DCUN1D1: variants seen among roughly 807,000 people sequenced by gnomAD.
DCUN1D1 encodes the protein defective in cullin neddylation 1 domain containing 1, also known as DCN1-like protein 1.
A neutral mutation model predicts 39.0 loss-of-function variants in DCUN1D1; 3 were observed. The ratio of observed to expected loss-of-function variants is 0.08; its 90% CI spans 0.04 to 0.20. The LOEUF is 0.20. DCUN1D1 is among the 10% of genes least tolerant of loss of function. DCUN1D1 has a pLI of 1.00. For missense variants in DCUN1D1, 158 were observed against 302.4 expected, an observed-to-expected ratio of 0.52 and a Z score of 3.54; for synonymous variants, 82 against 96.3, an observed-to-expected ratio of 0.85 and a Z score of 0.87.
upstream of DCUN1D1, among the ~76,000 whole-genome samples, chr3:182,982,798 C>T (rs537852973): frequency 8.5e-5 from 13 of 152,242 alleles, no homozygotes; most frequent in Non-Finnish European, 1.9e-4. Context: ...ATGTGTGCCA[C>T]CATGCCCAGC....
rs373590610 is a variant in DCUN1D1, at chr3:182,949,810, A to C, written c.521-2178T>G. On this transcript the variant is annotated intron_variant, in intron 4 of 6. Coordinates refer to ENST00000292782, the MANE Select transcript of DCUN1D1 (RefSeq NM_020640.4). The stretch of plus-strand genomic sequence containing the variant: ...CTGGAAACCTGCAAGACTGACCCTT[A>C]ACTTTCTTCAATGATGGAGACTACA... 3.1e-4 allele frequency among the ~76,000 whole-genome samples: 47 copies of C among 152,332 alleles called. No individual in the cohort carries two copies. In the Middle Eastern group the frequency reaches 0.017, roughly 55 times the overall value.
upstream of DCUN1D1, among the ~76,000 whole-genome samples, chr3:182,983,685 CAAG>C (rs1196193025): frequency 6.6e-6 from 1 of 151,250 alleles, no homozygotes; most frequent in Non-Finnish European, 1.5e-5. Flanking sequence ...CCAGCCTGGG[CAAG>C]AAGAATGAGA....
At chr3:182,965,265 C>A (rs1014834323) in intron 2 of DCUN1D1, among the ~76,000 whole-genome samples, 10 of 152,156 alleles carry the variant, frequency 6.6e-5, no homozygotes, top group Non-Finnish European at 1.2e-4. Flanking sequence ...ACTGGTTCAG[C>A]TGAGTTTTAT....
intron 6 of DCUN1D1, among the ~76,000 whole-genome samples, chr3:182,945,969 C>T (rs1381584014): frequency 6.6e-6 from 1 of 151,532 alleles, no homozygotes; most frequent in Non-Finnish European, 1.5e-5. Flanking sequence ...TAACATCATC[C>T]CTGATTAGCC....
chr3:182,959,794 A>T (rs1426971497), intron 4 of DCUN1D1, among the ~76,000 whole-genome samples: 1 of 152,180 alleles, frequency 6.6e-6, no homozygotes, highest in East Asian at 1.9e-4. Context: ...CTGGAAGATG[A>T]GGCCTGGTGG....
upstream of DCUN1D1, chr3:182,980,736 G>A (rs1346019860): frequency 2.7e-4 from 54 of 197,834 alleles, no homozygotes; most frequent in Admixed American, 2.1e-3. Context: ...GGGGCGGGGG[G>A]CGCGGCGGGG....
Position 182,961,230 on chromosome 3 carries a change from T to C in DCUN1D1, c.516A>G (p.Gly172=), listed in dbSNP as rs751573642. ...ATAATTTTTAAAAATTCTTACCTAA[T>C]CCTTTTTGTCCTGGATTCTTTGCAA... ...FNFAKNPGQK[G]LDLEMAIAYW... is the part of the protein sequence containing the mutation. Residue 172 remains glycine, a synonymous_variant, in exon 4 of 7, where the codon GGA becomes GGG. Transcript: ENST00000292782. The C allele has an allele frequency of 4.2e-5, 64 of 1,517,768 alleles. No individual in the cohort carries two copies. The highest frequency in any genetic ancestry group is 5.4e-5 in the Non-Finnish European group (60 of 1,113,126). The allele number at this position is 1,517,768 out of a possible 1,614,324, so 94.0% of individuals were successfully genotyped here.
Position 182,965,569 on chromosome 3 carries a change from T to C in DCUN1D1, c.188A>G (p.Lys63Arg). 1.2e-6 allele frequency: 2 copies of C among 1,613,708 alleles called. No homozygotes were observed. The highest frequency in any genetic ancestry group is 1.7e-6 in the Non-Finnish European group (2 of 1,179,714). ...TCTATTGTACAGCTGTTCTAACTTC[T>C]TCCTGTCCAATGATCCTTTTACACT... ...RESVKGSLDR[K>R]KLEQLYNRYK... Residue 63 changes from lysine (K) to arginine (R), a missense_variant, in exon 2 of 7, where the codon AAG (lysine) becomes AGG (arginine). Physicochemically the swap from Lys to Arg is conservative, Grantham distance 26 (BLOSUM62 2). Transcript: ENST00000292782.
chr3:182,948,917 G>C (rs1299941858), intron 4 of DCUN1D1, among the ~76,000 whole-genome samples: 1 of 151,440 alleles, frequency 6.6e-6, no homozygotes, highest in Non-Finnish European at 1.5e-5. Flanking sequence ...GCATAGTGGC[G>C]GGCACCTGTA....
In DCUN1D1 at chr3:182,965,757, T is replaced by C; in HGVS notation, c.4-4A>G. The C allele has an allele frequency of 1.2e-6, 2 of 1,600,042 alleles. No homozygotes were observed. Among genetic ancestry groups the C allele is most frequent in the Non-Finnish European group, 8.5e-7 (1 of 1,169,990 alleles). On this transcript the variant is annotated splice_polypyrimidine_tract_variant and splice_region_variant and intron_variant, in intron 1 of 6. Coordinates refer to ENST00000292782, the MANE Select transcript of DCUN1D1 (RefSeq NM_020640.4). ...TCTGCGATGATTTCAACTTGTTCTA[T>C]TGAAACCAGAAAATAAACTGAAACT...
In DCUN1D1 at chr3:182,944,546, T is replaced by G. The variant is rs1422390167; in HGVS notation, c.*548A>C. On this transcript the variant is annotated 3_prime_UTR_variant, in exon 7 of 7. Coordinates refer to ENST00000292782, the MANE Select transcript of DCUN1D1 (RefSeq NM_020640.4). ...ATCAGATACTCACATCAACAACACA[T>G]GTGATTTGCCAGGAAAAAAAAAAAA... is the stretch of plus-strand genomic sequence containing the variant. 6.6e-6 allele frequency: 1 copy of G among 152,046 alleles called. No homozygotes were observed. The highest frequency in any genetic ancestry group is 1.5e-5 in the Non-Finnish European group (1 of 67,930). The allele number at this position is 152,046 out of a possible 1,614,324, so 9.4% of individuals were successfully genotyped here. A position where few individuals can be genotyped will look rare whatever the true frequency, so the allele number is the denominator to read the frequency against.
chr3:182,941,401 CTATAT>C lies in DCUN1D1; in HGVS notation c.*3688_*3692del, dbSNP rs1232752425. On this transcript the variant is annotated 3_prime_UTR_variant, in exon 7 of 7. Transcript: ENST00000292782. Reference sequence around the variant, plus strand: ...TATGAAATAAAAATAGAAATTATTGCTATATTATGATTGTAAAAATGGAGGCAATA... The same window carrying C: ...TATGAAATAAAAATAGAAATTATTGCTATGATTGTAAAAATGGAGGCAATA... The C allele has an allele frequency of 2.0e-5, 3 of 151,910 alleles. No individual in the cohort carries two copies. Among genetic ancestry groups the C allele is most frequent in the Non-Finnish European group, 2.9e-5 (2 of 67,894 alleles). 9.4% of individuals were successfully genotyped at this position (151,910 alleles called of 1,614,324 possible). A position where few individuals can be genotyped will look rare whatever the true frequency, so the allele number is the denominator to read the frequency against.
chr3:182,970,712 T>C (rs548255698), intron 1 of DCUN1D1, among the ~76,000 whole-genome samples: 2 of 152,246 alleles, frequency 1.3e-5, no homozygotes, highest in Non-Finnish European at 2.9e-5. Context: ...CTGTATGTTG[T>C]TATGTAATTA....
Position 182,961,374 on chromosome 3 carries a change from G to A in DCUN1D1, c.390-18C>T. The A allele has an allele frequency of 6.4e-7, 1 of 1,567,278 alleles. No individual in the cohort carries two copies. Among genetic ancestry groups the A allele is most frequent in the African/African-American group, 1.4e-5 (1 of 71,982 alleles). On this transcript the variant is annotated intron_variant, in intron 3 of 6. Coordinates refer to ENST00000292782, the MANE Select transcript of DCUN1D1 (RefSeq NM_020640.4). ...TGTCACATCTGCGTCGTAAAATTAAGTTTATAAAAGATTAACTGTTTCACT... is the reference window on the plus strand; with the variant it reads ...TGTCACATCTGCGTCGTAAAATTAAATTTATAAAAGATTAACTGTTTCACT...
At chr3:182,951,916 G>A (rs1024341578) in intron 4 of DCUN1D1, among the ~76,000 whole-genome samples, 10 of 151,914 alleles carry the variant, frequency 6.6e-5, no homozygotes, top group Admixed American at 3.9e-4. Context: ...GTCTGGTCTC[G>A]AACTTCTGAC....
chr3:182,941,632 A>G lies in DCUN1D1; in HGVS notation c.*3462T>C, dbSNP rs1002142732. ...ATGAAAACATCTAAGTATTCAATATAAATCATACTGTTAAAAGTATAAGGT... is the reference window on the plus strand; with the variant it reads ...ATGAAAACATCTAAGTATTCAATATGAATCATACTGTTAAAAGTATAAGGT... On this transcript the variant is annotated 3_prime_UTR_variant, in exon 7 of 7. Coordinates refer to ENST00000292782, the MANE Select transcript of DCUN1D1 (RefSeq NM_020640.4). The G allele has an allele frequency of 1.3e-5, 2 of 152,164 alleles. No homozygotes were observed. Among genetic ancestry groups the G allele is most frequent in the Admixed American group, 1.3e-4 (2 of 15,266 alleles). 9.4% of individuals were successfully genotyped at this position (152,164 alleles called of 1,614,324 possible). A position where few individuals can be genotyped will look rare whatever the true frequency, so the allele number is the denominator to read the frequency against.
rs1560171929 is a variant in DCUN1D1 at position 182,961,280 on chromosome 3, C to A, written c.466G>T (p.Asp156Tyr). Residue 156 changes from aspartate (D) to tyrosine (Y), a missense_variant, in exon 4 of 7, where the codon GAT becomes TAT. Coordinates refer to ENST00000292782, the MANE Select transcript of DCUN1D1 (RefSeq NM_020640.4). ...AAATTAAAAGTAAACTGGTAAAAATCCTTAAATCGTCCTGGTTCTTTCAAT... is the reference window on the plus strand; with the variant it reads ...AAATTAAAAGTAAACTGGTAAAAATACTTAAATCGTCCTGGTTCTTTCAAT... ...QELKEPGRFK[D>Y]FYQFTFNFAK... The A allele has an allele frequency of 6.3e-7, 1 of 1,595,294 alleles. No homozygotes were observed.
At chr3:182,952,036 T>C (rs1319082605) in intron 4 of DCUN1D1, among the ~76,000 whole-genome samples, 2 of 152,102 alleles carry the variant, frequency 1.3e-5, no homozygotes, top group African/African-American at 4.8e-5. Flanking sequence ...CATTGCCCGG[T>C]TTCCCCATTT....
chr3:182,949,685 C>T (rs574820260), intron 4 of DCUN1D1, among the ~76,000 whole-genome samples: 8 of 152,256 alleles, frequency 5.3e-5, no homozygotes, highest in East Asian at 1.9e-4. Flanking sequence ...CATGCCACTG[C>T]ACTCCAGCCT....
Sources: gnomAD v4.1 joint callset for allele counts (sites outside exome capture counted in the v4.1 genomes callset) on GRCh38, gnomAD v4.1.1 for gene constraint, MANE v1.5 for transcripts, NCBI Gene and HGNC (gene_info 2026-07-23, HGNC 2026-07-21) for gene names.